Variants in PLCL1 observed in about 807,000 individuals in gnomAD.
PLCL1 encodes the protein phospholipase C like 1 (inactive).
PLCL1 carries 41 observed loss-of-function variants against 84.4 expected under a neutral mutation model. The ratio of observed to expected loss-of-function variants is 0.49; its 90% CI spans 0.38 to 0.63. PLCL1 has a LOEUF of 0.63. Among genes scored for constraint, PLCL1 ranks in the 30% least tolerant of loss-of-function variants. PLCL1 has a pLI of 0.00. For missense variants in PLCL1, 1,206 were observed against 1,367.8 expected, an observed-to-expected ratio of 0.88 and a Z score of 1.87; for synonymous variants, 490 against 488.3, an observed-to-expected ratio of 1.00 and a Z score of -0.05.
chr2:197,994,211 C>T (rs942401564), intron 1 of PLCL1, among the ~76,000 whole-genome samples: 3 of 152,138 alleles, frequency 2.0e-5, no homozygotes, highest in Non-Finnish European at 2.9e-5. Flanking sequence ...TCTGTAATCT[C>T]CAACTACCTA....
chr2:198,125,156 G>GAT (rs932528891), intron 5 of PLCL1, among the ~76,000 whole-genome samples: 17 of 152,040 alleles, frequency 1.1e-4, no homozygotes, highest in South Asian at 2.1e-4. Context: ...GAGAACAGAA[G>GAT]ATATATATAT....
chr2:197,884,891 A>G (rs1439026723), intron 1 of PLCL1, among the ~76,000 whole-genome samples: 1 of 152,208 alleles, frequency 6.6e-6, no homozygotes, highest in Non-Finnish European at 1.5e-5. Context: ...CTAAAAAAAA[A>G]AAATTGAGAC....
At chr2:197,916,933 T>C (rs761991972) in intron 1 of PLCL1, among the ~76,000 whole-genome samples, 6 of 152,080 alleles carry the variant, frequency 3.9e-5, no homozygotes, top group Non-Finnish European at 7.4e-5. Flanking sequence ...TAGATGAGAA[T>C]TGCAAATTAA....
Position 198,086,734 on chromosome 2 carries a change from A to C in PLCL1, c.2715+502A>C, listed in dbSNP as rs181912030. ...GTTTCTAACTGTGAATGCTATGTTA[A>C]GTTTGGACTGAACTAAGATGTAGCA... On this transcript the variant is annotated intron_variant, in intron 2 of 5. Transcript: ENST00000428675. Among the ~76,000 whole-genome samples, 191 of 152,374 alleles carry C rather than the reference A, an allele frequency of 1.3e-3. 1 individual carries two copies. Among genetic ancestry groups the C allele is most frequent in the Non-Finnish European group, 1.4e-3 (95 of 68,042 alleles).
At chr2:197,850,731 C>A (rs1459769545) in intron 1 of PLCL1, among the ~76,000 whole-genome samples, 1 of 151,984 alleles carries the variant, frequency 6.6e-6, no homozygotes, top group Non-Finnish European at 1.5e-5. Flanking sequence ...GGAGTGGGGA[C>A]CTACGGGAAT....
At chr2:198,030,328 C>G (rs1691380819) in intron 1 of PLCL1, among the ~76,000 whole-genome samples, 2 of 152,122 alleles carry the variant, frequency 1.3e-5, no homozygotes, top group Admixed American at 1.3e-4. Flanking sequence ...GTCTTTCTTG[C>G]TTGCTTTTGT....
At chr2:197,962,306 A>C (rs1412084739) in intron 1 of PLCL1, among the ~76,000 whole-genome samples, 2 of 152,090 alleles carry the variant, frequency 1.3e-5, no homozygotes, top group Non-Finnish European at 2.9e-5. Flanking sequence ...TAAATGGCTT[A>C]TCTGTGTGAC....
chr2:198,029,624 C>G (rs546344192), intron 1 of PLCL1, among the ~76,000 whole-genome samples: 14 of 152,244 alleles, frequency 9.2e-5, no homozygotes, highest in African/African-American at 2.6e-4. Context: ...CTTCTGCAGT[C>G]ACGGCTGCAG....
rs1032658657 is a variant in PLCL1, at chr2:197,978,349, C to T, written c.241-105409C>T. Among the ~76,000 whole-genome samples the T allele has an allele frequency of 7.2e-5, 11 of 152,114 alleles. No individual in the cohort carries two copies. The East Asian group carries it at 1.7e-3, about 24-fold the overall frequency. On this transcript the variant is annotated intron_variant, in intron 1 of 5. Coordinates refer to ENST00000428675, the MANE Select transcript of PLCL1 (RefSeq NM_006226.4). Reference sequence around the variant, plus strand: ...AAGATTGGCCGGGCGTGGTGGTGGGCGCCTGTAGTCCCAGCTACTCGGGAG... The same window carrying T: ...AAGATTGGCCGGGCGTGGTGGTGGGTGCCTGTAGTCCCAGCTACTCGGGAG...
chr2:197,999,914 G>A (rs142936061), intron 1 of PLCL1, among the ~76,000 whole-genome samples: 7 of 152,244 alleles, frequency 4.6e-5, no homozygotes, highest in African/African-American at 1.7e-4. Flanking sequence ...AACACATTCC[G>A]TAGGTAGTGC....
chr2:197,902,138 G>A (rs544220251), intron 1 of PLCL1, among the ~76,000 whole-genome samples: 9 of 152,238 alleles, frequency 5.9e-5, no homozygotes, highest in African/African-American at 2.2e-4. Flanking sequence ...TGTGGCTCCA[G>A]AGACTGTTGG....
At chr2:197,906,223 A>T (rs1334200461) in intron 1 of PLCL1, among the ~76,000 whole-genome samples, 2 of 152,068 alleles carry the variant, frequency 1.3e-5, no homozygotes. Flanking sequence ...TCTTTAATCC[A>T]TCTTGAGTTA....
intron 1 of PLCL1, among the ~76,000 whole-genome samples, chr2:197,851,920 A>G (rs1458807607): frequency 6.6e-6 from 1 of 152,238 alleles, no homozygotes; most frequent in African/African-American, 2.4e-5. Context: ...AGGCCACAAG[A>G]TAGATGGCTC....
chr2:197,918,969 C>CTCTCTCT (rs1369678298), intron 1 of PLCL1, among the ~76,000 whole-genome samples: 17 of 146,962 alleles, frequency 1.2e-4, no homozygotes, highest in East Asian at 4.0e-4. Context: ...TCTCTCTCTC[C>CTCTCTCT]CTCACACACA....
At chr2:198,008,005 G>C (rs1390833514) in intron 1 of PLCL1, among the ~76,000 whole-genome samples, 1 of 151,986 alleles carries the variant, frequency 6.6e-6, no homozygotes, top group African/African-American at 2.4e-5. Context: ...AACATAACAT[G>C]ATCATTATTT....
At chr2:198,034,236 C>A (rs867434412) in intron 1 of PLCL1, among the ~76,000 whole-genome samples, 2 of 150,906 alleles carry the variant, frequency 1.3e-5, no homozygotes, top group Non-Finnish European at 2.9e-5. Context: ...TGAGTGAGAA[C>A]ATGCGATGTT....
At chr2:197,864,300 G>A (rs961409537) in intron 1 of PLCL1, among the ~76,000 whole-genome samples, 25 of 150,858 alleles carry the variant, frequency 1.7e-4, no homozygotes, top group African/African-American at 5.8e-4. Context: ...GAGCATCATG[G>A]TAACAGAGGG....
intron 1 of PLCL1, among the ~76,000 whole-genome samples, chr2:197,913,576 C>G (rs1421733234): frequency 6.6e-6 from 1 of 152,176 alleles, no homozygotes; most frequent in Admixed American, 6.5e-5. Context: ...AAGACTTGAT[C>G]AAATTTCATC....
chr2:197,965,381 G>A (rs79680776), intron 1 of PLCL1, among the ~76,000 whole-genome samples: 3,369 of 152,020 alleles, frequency 0.022, 56 homozygotes, highest in Non-Finnish European at 0.036. Flanking sequence ...ATGGTCTTTT[G>A]AATTTCTGTG....
Sources: gnomAD v4.1 joint callset for allele counts (sites outside exome capture counted in the v4.1 genomes callset) on GRCh38, gnomAD v4.1.1 for gene constraint, MANE v1.5 for transcripts, NCBI Gene and HGNC (gene_info 2026-07-23, HGNC 2026-07-21) for gene names.